The following R3HDM1 variants were observed in gnomAD, a reference collection of about 807,000 sequenced individuals.
R3HDM1 encodes R3H domain containing 1, also known as R3H domain-containing protein 1.
R3HDM1 carries 46 observed loss-of-function variants against 141.1 expected under a neutral mutation model. That is an observed-to-expected ratio of 0.33 (90% CI 0.26 to 0.42). The LOEUF (loss-of-function observed/expected upper bound fraction) is 0.42, where lower values mean the gene tolerates loss of function less well. Ranked by LOEUF, R3HDM1 falls within the 10% of genes least tolerant of loss-of-function variation. R3HDM1 has a pLI of 1.00. For missense variants in R3HDM1, 1,184 were observed against 1,368.3 expected (o/e 0.87, Z 2.12); for synonymous variants, 435 against 472.9 (o/e 0.92, Z 1.04).
intron 1 of R3HDM1, chr2:135,565,819 G>T: frequency 6.5e-6 from 1 of 152,914 alleles, no homozygotes; most frequent in South Asian, 1.8e-4. Context: ...CCAGGTCATG[G>T]GGGCGATGAG....
chr2:135,703,188 TTAAG>T (rs2074466891), intron 21 of R3HDM1, among the ~76,000 whole-genome samples: 1 of 152,258 alleles, frequency 6.6e-6, no homozygotes, highest in Non-Finnish European at 1.5e-5. Context: ...AAATACTTGT[TTAAG>T]TACTTAAAAA....
intron 1 of R3HDM1, among the ~76,000 whole-genome samples, chr2:135,577,793 G>A (rs902842529): frequency 2.7e-5 from 4 of 146,172 alleles, no homozygotes; most frequent in Non-Finnish European, 4.5e-5. Context: ...AGCCAAGATC[G>A]CGCCATTGCA....
At chr2:135,605,893 A>G (rs918519844) in intron 3 of R3HDM1, 1 of 152,230 alleles carries the variant, frequency 6.6e-6, no homozygotes, top group African/African-American at 2.4e-5. Context: ...TGTGTTGCCT[A>G]GGCTGTTCTA....
intron 21 of R3HDM1, among the ~76,000 whole-genome samples, chr2:135,694,171 T>A (rs1479259772): frequency 2.0e-5 from 3 of 152,208 alleles, no homozygotes; most frequent in Non-Finnish European, 4.4e-5. Context: ...GTGACTATTT[T>A]TACTGCCTAA....
intron 1 of R3HDM1, among the ~76,000 whole-genome samples, chr2:135,600,384 T>G (rs182455592): frequency 1.3e-5 from 2 of 152,212 alleles, no homozygotes; most frequent in East Asian, 3.9e-4. Flanking sequence ...CACAGCAAAT[T>G]TAGGCTCAGC....
At chr2:135,534,422 T>G (rs1192036687) in intron 1 of R3HDM1, among the ~76,000 whole-genome samples, 1 of 152,260 alleles carries the variant, frequency 6.6e-6, no homozygotes, top group Admixed American at 6.5e-5. Flanking sequence ...TCCTTATTTA[T>G]CAACACTTGA....
chr2:135,626,166 T>C (rs554098363), intron 7 of R3HDM1, among the ~76,000 whole-genome samples: 2 of 152,308 alleles, frequency 1.3e-5, no homozygotes, highest in South Asian at 4.1e-4. Flanking sequence ...TGTTGTCCAC[T>C]GTAGAACTGC....
At chr2:135,576,490 T>G (rs138899480) in intron 1 of R3HDM1, among the ~76,000 whole-genome samples, 2 of 152,302 alleles carry the variant, frequency 1.3e-5, no homozygotes, top group Non-Finnish European at 2.9e-5. Flanking sequence ...AGTACTGAGA[T>G]ATTTAGAAAG....
rs1004276682 is a variant in R3HDM1, at chr2:135,712,085, C to T, written c.2736+1854C>T. Among the ~76,000 whole-genome samples the T allele has an allele frequency of 1.2e-4, 18 of 151,532 alleles. No homozygotes were observed. The Middle Eastern group carries it at 9.6e-3, about 80-fold the overall frequency. ...TACTTCAGGAAAAACAAAGCCAGGG[C>T]GATCACAGTTGAACCTGGATGATGG... is the stretch of plus-strand genomic sequence containing the variant. On this transcript the variant is annotated intron_variant, in intron 23 of 26. Coordinates refer to ENST00000683871, the MANE Select transcript of R3HDM1 (RefSeq NM_001378107.1).
At chr2:135,716,141 A>C (rs900197718) in intron 24 of R3HDM1, among the ~76,000 whole-genome samples, 13 of 152,214 alleles carry the variant, frequency 8.5e-5, no homozygotes, top group African/African-American at 3.1e-4. Flanking sequence ...CTCTAGAGAA[A>C]CTACAAAAAT....
intron 1 of R3HDM1, among the ~76,000 whole-genome samples, chr2:135,540,976 A>T (rs1208006499): frequency 2.0e-5 from 3 of 152,208 alleles, no homozygotes; most frequent in Admixed American, 2.0e-4. Context: ...ATCAACGAAC[A>T]GTAAGTTTTT....
chr2:135,531,834 G>T, intron 1 of R3HDM1: 1 of 985,432 alleles, frequency 1.0e-6, no homozygotes, highest in Non-Finnish European at 1.2e-6. Flanking sequence ...CCAGCCCGCC[G>T]TTAGGTCGGG....
At chr2:135,543,826 A>G (rs1044148121) in intron 1 of R3HDM1, among the ~76,000 whole-genome samples, 1 of 152,224 alleles carries the variant, frequency 6.6e-6, no homozygotes, top group Non-Finnish European at 1.5e-5. Context: ...ATTTTGGCCA[A>G]ACATAGATAC....
chr2:135,660,620 C>T (rs187253871), intron 18 of R3HDM1, among the ~76,000 whole-genome samples: 7 of 151,892 alleles, frequency 4.6e-5, no homozygotes, highest in African/African-American at 1.7e-4. Context: ...CTGAAGTGGG[C>T]GGATCAGTTG....
intron 21 of R3HDM1, among the ~76,000 whole-genome samples, chr2:135,697,706 T>C (rs2073470131): frequency 6.6e-6 from 1 of 152,200 alleles, no homozygotes; most frequent in Admixed American, 6.6e-5. Context: ...AAAACTCAAC[T>C]ATGTTCTTTT....
chr2:135,709,923 G>A (rs939753773), intron 22 of R3HDM1, 136 bp from the exon 23 acceptor site: 10 of 875,234 alleles, frequency 1.1e-5, no homozygotes, highest in African/African-American at 6.8e-5. Context: ...ATGCACTAGG[G>A]CTTCAACCTG....
At chr2:135,615,695 G>T (rs1234800509) in intron 3 of R3HDM1, among the ~76,000 whole-genome samples, 1 of 152,180 alleles carries the variant, frequency 6.6e-6, no homozygotes, top group Admixed American at 6.5e-5. Context: ...TTTGTGGTTG[G>T]ACTCTGACTT....
At chr2:135,561,297 C>T in intron 1 of R3HDM1, 1 of 985,158 alleles carries the variant, frequency 1.0e-6, no homozygotes, top group East Asian at 1.1e-4. Flanking sequence ...TCTGTTGGTT[C>T]CAATTTTGCC....
chr2:135,718,422 T>C (rs781446533), intron 24 of R3HDM1, among the ~76,000 whole-genome samples: 30 of 152,180 alleles, frequency 2.0e-4, no homozygotes, highest in Non-Finnish European at 4.0e-4. Context: ...ACTGAAAAGA[T>C]AGACACCAAA....
Sources: allele counts gnomAD v4.1 joint callset (sites outside exome capture counted in the v4.1 genomes callset), GRCh38; gene constraint gnomAD v4.1.1; transcripts MANE v1.5; gene names NCBI Gene and HGNC (gene_info 2026-07-23, HGNC 2026-07-21).